The following MYRF variants were observed in gnomAD, a reference collection of about 807,000 sequenced individuals.
MYRF encodes the protein myelin gene regulatory factor.
Under a neutral mutation model 126.3 loss-of-function variants are expected in MYRF, and 16 were observed. The ratio of observed to expected loss-of-function variants is 0.13; its 90% confidence interval spans 0.09 to 0.19. The LOEUF (loss-of-function observed/expected upper bound fraction) is 0.19. Ranked by LOEUF, MYRF falls within the 10% of genes least tolerant of loss-of-function variation. The probability of loss-of-function intolerance (pLI) is 1.00; values close to 1 mark genes in which losing one functional copy is unlikely to be tolerated. For missense variants in MYRF, 1,104 were observed against 1,547.0 expected (o/e 0.71, Z 4.80); for synonymous variants, 608 against 635.3 (o/e 0.96, Z 0.65).
At chr11:61,775,582 G>A (rs936319327) in intron 8 of MYRF, among the ~76,000 whole-genome samples, 5 of 152,168 alleles carry the variant, frequency 3.3e-5, no homozygotes, top group African/African-American at 9.7e-5. Context: ...GCCAGTGCAC[G>A]TGGAGGAGTA....
Position 61,776,050 on chromosome 11 carries a change from C to T in MYRF, c.1312-6C>T. 6.2e-7 allele frequency: 1 copy of T among 1,613,826 alleles called. No individual in the cohort carries two copies. The highest frequency in any genetic ancestry group is 8.5e-7 in the Non-Finnish European group (1 of 1,179,888). ...CCTGAGGTGCCACTGGCTTCACTCC[C>T]CACAGCTGGAGGCCCTGAACCAGTC... On this transcript the variant is annotated splice_region_variant and splice_polypyrimidine_tract_variant and intron_variant, in intron 8 of 26. Coordinates refer to ENST00000278836, the MANE Select transcript of MYRF (RefSeq NM_001127392.3). The surrounding 1 kb of genome is among the most constrained non-coding windows in gnomAD (Gnocchi z 4.3).
At chr11:61,767,092 G>C (rs1591095180) in intron 3 of MYRF, 4 of 456,532 alleles carry the variant, frequency 8.8e-6, no homozygotes, top group Non-Finnish European at 1.8e-5. Flanking sequence ...GATGCCCTGG[G>C]TGCATGGTGG....
chr11:61,767,428 G>T (rs753584661), intron 3 of MYRF: 5 of 456,602 alleles, frequency 1.1e-5, no homozygotes, highest in South Asian at 7.7e-5. Flanking sequence ...GCACACTGAG[G>T]CTCAGAGAGG....
intron 16 of MYRF, 89 bp downstream of exon 16, chr11:61,779,659 C>T: frequency 7.7e-7 from 1 of 1,295,170 alleles, no homozygotes; most frequent in Non-Finnish European, 1.0e-6. Flanking sequence ...AGCCTCACTG[C>T]CTCTGGTGCT....
In MYRF at chr11:61,776,490, GC is replaced by G; in HGVS notation, c.1499+61del. The G allele has an allele frequency of 5.7e-6, 8 of 1,409,990 alleles. No individual in the cohort carries two copies. In the South Asian group the frequency reaches 9.8e-5, roughly 17 times the overall value. The allele number at this position is 1,409,990 out of a possible 1,614,324, so 87.3% of individuals were successfully genotyped here. On this transcript the variant is annotated intron_variant, in intron 10 of 26. Transcript: ENST00000278836. This position sits in a 1 kb window ranked among gnomAD's most constrained non-coding sequence, Gnocchi z 4.3. The stretch of plus-strand genomic sequence containing the variant: ...TCCATTTCTGAGGCAGGAAGACACT[GC>G]CCTGGGTGGCACACCAGGCACAGAG...
chr11:61,781,414 C>G lies in MYRF; in HGVS notation c.2764+85C>G, dbSNP rs2066543544. 5.1e-6 allele frequency: 8 copies of G among 1,560,468 alleles called. No individual in the cohort carries two copies. In the Admixed American group the frequency reaches 5.4e-5, roughly 11 times the overall value. Reference sequence around the variant, plus strand: ...CAAATACTCATTGGTGGGAGGGTCTCCTGGAGCCTAGAACGAGGCTCTGGA... The same window carrying G: ...CAAATACTCATTGGTGGGAGGGTCTGCTGGAGCCTAGAACGAGGCTCTGGA... On this transcript the variant is annotated intron_variant, in intron 21 of 26. Coordinates refer to ENST00000278836, the MANE Select transcript of MYRF (RefSeq NM_001127392.3).
At position 61,787,887 on chromosome 11, in the gene MYRF, G is replaced by C. The variant is rs766628951; in HGVS notation, c.*1744G>C. 1 of 152,662 alleles carries C rather than the reference G, an allele frequency of 6.6e-6. No individual in the cohort carries two copies. Among genetic ancestry groups the C allele is most frequent in the African/African-American group, 2.4e-5 (1 of 41,430 alleles). The allele number at this position is 152,662 out of a possible 1,614,324, so 9.5% of individuals were successfully genotyped here. A position where few individuals can be genotyped will look rare whatever the true frequency, so the allele number is the denominator to read the frequency against. The stretch of plus-strand genomic sequence containing the variant: ...ACTGCGGGCCCTCAGTCCTTAACTG[G>C]AAAGTGACCGTCCACTGCCCCATGG... On this transcript the variant is annotated 3_prime_UTR_variant, in exon 27 of 27. Coordinates refer to ENST00000278836, the MANE Select transcript of MYRF (RefSeq NM_001127392.3).
Position 61,778,954 on chromosome 11 carries a change from C to T in MYRF, c.2014-309C>T. 1.6e-6 allele frequency: 1 copy of T among 614,820 alleles called. No individual in the cohort carries two copies. The highest frequency in any genetic ancestry group is 1.5e-5 in the South Asian group (1 of 66,012). The allele number at this position is 614,820 out of a possible 1,614,324, so 38.1% of individuals were successfully genotyped here. A position where few individuals can be genotyped will look rare whatever the true frequency, so the allele number is the denominator to read the frequency against. ...GACACCAGTCATCCGAGGGGCAGAT[C>T]CCGGGGCTGCAGCCTTCAGGCTTAG... On this transcript the variant is annotated intron_variant, in intron 14 of 26. Coordinates refer to ENST00000278836, the MANE Select transcript of MYRF (RefSeq NM_001127392.3). This position sits in a 1 kb window ranked among gnomAD's most constrained non-coding sequence, Gnocchi z 4.6.
Position 61,784,285 on chromosome 11 carries a change from C to G in MYRF, c.3200C>G (p.Ser1067Cys). ...CTAACTGGGCCTGTCTACAGCTCCT[C>G]CTCCCCCGTGTCTGTGGTGCTGTGC... ...HLSLTLQMNS[S>C]SPVSVVLCSL... Residue 1067 changes from serine to cysteine, a missense_variant, in exon 25 of 27, where the codon TCC becomes TGC. Coordinates refer to ENST00000278836, the MANE Select transcript of MYRF (RefSeq NM_001127392.3). 1 of 1,613,820 alleles carries G rather than the reference C, an allele frequency of 6.2e-7. No individual in the cohort carries two copies. Among genetic ancestry groups the G allele is most frequent in the Non-Finnish European group, 8.5e-7 (1 of 1,179,942 alleles).
Position 61,778,869 on chromosome 11 carries a change from C to T in MYRF, c.2013+380C>T, listed in dbSNP as rs375017963. The T allele has an allele frequency of 3.6e-5, 20 of 548,312 alleles. No homozygotes were observed. The highest frequency in any genetic ancestry group is 1.8e-4 in the East Asian group (4 of 22,154). 34.0% of individuals were successfully genotyped at this position (548,312 alleles called of 1,614,324 possible). ...GTCACTTACCTGTCCTGAGTCTGGGCGCCAAGGAGGCATGTAATAGGTCTC... is the reference window on the plus strand; with the variant it reads ...GTCACTTACCTGTCCTGAGTCTGGGTGCCAAGGAGGCATGTAATAGGTCTC... On this transcript the variant is annotated intron_variant, in intron 14 of 26. Coordinates refer to ENST00000278836, the MANE Select transcript of MYRF (RefSeq NM_001127392.3). This position sits in a 1 kb window ranked among gnomAD's most constrained non-coding sequence, Gnocchi z 4.6.
intron 1 of MYRF, among the ~76,000 whole-genome samples, chr11:61,758,859 G>A (rs1215350295): frequency 6.6e-6 from 1 of 152,228 alleles, no homozygotes; most frequent in Non-Finnish European, 1.5e-5. Flanking sequence ...GCACATAACA[G>A]GTGCTCAGTA....
At chr11:61,765,197 G>C (rs2066021089) in intron 1 of MYRF, among the ~76,000 whole-genome samples, 1 of 152,218 alleles carries the variant, frequency 6.6e-6, no homozygotes, top group African/African-American at 2.4e-5. Flanking sequence ...TCCCATCGAG[G>C]GCAGTGGGCA....
chr11:61,779,212 G>C, intron 14 of MYRF, 51 bp from the exon 15 acceptor site: 1 of 1,508,514 alleles, frequency 6.6e-7, no homozygotes, highest in Non-Finnish European at 8.9e-7. Context: ...TCCCGGGGCT[G>C]ACTGGGCCCT....
In MYRF at chr11:61,769,247, CT is replaced by C; in HGVS notation, c.399-12del. ...GCTGCTCACCCCCCGGCCCCTTCCC[CT>C]GGCTCTCGCAGCACACTGCCGGACT... is the stretch of plus-strand genomic sequence containing the variant. On this transcript the variant is annotated splice_polypyrimidine_tract_variant and intron_variant, in intron 3 of 26. Coordinates refer to ENST00000278836, the MANE Select transcript of MYRF (RefSeq NM_001127392.3). 1 of 1,578,998 alleles carries C rather than the reference CT, an allele frequency of 6.3e-7. No homozygotes were observed. Among genetic ancestry groups the C allele is most frequent in the Non-Finnish European group, 8.6e-7 (1 of 1,160,724 alleles).
chr11:61,755,288 G>A, intron 1 of MYRF: 1 of 1,358,168 alleles, frequency 7.4e-7, no homozygotes, highest in Non-Finnish European at 1.0e-6. Context: ...CCTCAGGTGG[G>A]AGGCCGGGAC....
At chr11:61,762,661 C>G (rs1395781015) in intron 1 of MYRF, among the ~76,000 whole-genome samples, 1 of 152,192 alleles carries the variant, frequency 6.6e-6, no homozygotes, top group Non-Finnish European at 1.5e-5. Context: ...CCTGGAAAGT[C>G]TGTTAGAAAT....
chr11:61,755,647 AG>A (rs1242601837), intron 1 of MYRF: 1 of 725,316 alleles, frequency 1.4e-6, no homozygotes, highest in Non-Finnish European at 2.5e-6. Context: ...GCAAGACAGG[AG>A]GGGGTGGCAG....
rs1324149905 is a variant in MYRF at position 61,771,421 on chromosome 11, G to A, written c.741-79G>A. ...CATCCTGGCCCAAACAGGCTAGAGA[G>A]GGGAGAGAGGTGGATACTACCCAGT... On this transcript the variant is annotated intron_variant, in intron 5 of 26. Transcript: ENST00000278836. 5.2e-6 allele frequency: 8 copies of A among 1,538,814 alleles called. No homozygotes were observed. The Middle Eastern group carries it at 7.0e-4, about 135-fold the overall frequency.
intron 1 of MYRF, among the ~76,000 whole-genome samples, chr11:61,759,576 G>GGGA (rs1189020734): frequency 6.6e-6 from 1 of 152,078 alleles, no homozygotes; most frequent in Non-Finnish European, 1.5e-5. Context: ...AGGCTGAGGT[G>GGGA]GGAGAATCAC....
Sources: gnomAD v4.1 joint callset for allele counts (sites outside exome capture counted in the v4.1 genomes callset) on GRCh38, gnomAD v4.1.1 for gene constraint, Gnocchi (gnomAD v3.1) non-coding constraint, MANE v1.5 for transcripts, NCBI Gene and HGNC (gene_info 2026-07-23, HGNC 2026-07-21) for gene names.